SPATS2: variants seen among roughly 807,000 people sequenced by gnomAD.
SPATS2 encodes the protein spermatogenesis-associated serine-rich protein 2.
SPATS2 carries 38 observed loss-of-function variants against 63.7 expected under a neutral mutation model. The observed-to-expected ratio is 0.60, with a 90% confidence interval of 0.46 to 0.78. SPATS2 has a LOEUF of 0.78. Ranked by LOEUF, SPATS2 falls within the 30% of genes least tolerant of loss-of-function variation. The pLI is 0.00. For missense variants in SPATS2, 588 were observed against 666.2 expected (o/e 0.88, Z 1.29); for synonymous variants, 207 against 232.9 (o/e 0.89, Z 1.01).
At chr12:49,426,076 C>G (rs1190646660) in intron 2 of SPATS2, among the ~76,000 whole-genome samples, 2 of 152,162 alleles carry the variant, frequency 1.3e-5, no homozygotes, top group African/African-American at 4.8e-5. Flanking sequence ...CCAGTGTTGC[C>G]TTTTAGCCTA....
At chr12:49,524,391 T>C (rs374987119) in intron 12 of SPATS2, among the ~76,000 whole-genome samples, 191 of 152,294 alleles carry the variant, frequency 1.3e-3, no homozygotes, top group African/African-American at 4.3e-3. Context: ...GGAGTTTAGG[T>C]AGTACTAGAT....
intron 4 of SPATS2, among the ~76,000 whole-genome samples, chr12:49,486,778 CAAAAAAA>C (rs555485566): frequency 1.0e-5 from 1 of 96,806 alleles, no homozygotes; most frequent in Admixed American, 1.2e-4. Context: ...GAGACTCCGT[CAAAAAAA>C]AAAAAAAGAA....
intron 2 of SPATS2, among the ~76,000 whole-genome samples, chr12:49,460,290 C>T (rs1197300696): frequency 6.6e-6 from 1 of 151,304 alleles, no homozygotes; most frequent in Non-Finnish European, 1.5e-5. Context: ...CCCATCTCTA[C>T]TAAAAATACA....
At chr12:49,470,314 G>A (rs1946013191) in intron 3 of SPATS2, among the ~76,000 whole-genome samples, 1 of 152,140 alleles carries the variant, frequency 6.6e-6, no homozygotes, top group South Asian at 2.1e-4. Flanking sequence ...TTACAGGCAT[G>A]AGCCACCACT....
intron 10 of SPATS2, among the ~76,000 whole-genome samples, chr12:49,516,683 C>T (rs1052761995): frequency 2.0e-5 from 3 of 149,380 alleles, no homozygotes; most frequent in Non-Finnish European, 3.0e-5. Context: ...TCCAGCCTAG[C>T]GACAGAGCAA....
At chr12:49,516,157 A>T (rs1946838251) in intron 10 of SPATS2, among the ~76,000 whole-genome samples, 1 of 43,900 alleles carries the variant, frequency 2.3e-5, no homozygotes, top group African/African-American at 1.1e-4. Flanking sequence ...AAAAAAAAAA[A>T]AAAAAAAAAA....
chr12:49,393,875 C>T (rs1394447542), intron 2 of SPATS2, among the ~76,000 whole-genome samples: 2 of 152,096 alleles, frequency 1.3e-5, no homozygotes, highest in Non-Finnish European at 2.9e-5. Flanking sequence ...GACAGGTTCT[C>T]CCTATGTTGC....
chr12:49,499,832 G>C (rs1471885465), intron 8 of SPATS2, among the ~76,000 whole-genome samples: 1 of 151,932 alleles, frequency 6.6e-6, no homozygotes, highest in Non-Finnish European at 1.5e-5. Context: ...TTTTGTCTTT[G>C]TATGTTTTTA....
At chr12:49,437,477 C>T (rs1945334022) in intron 2 of SPATS2, among the ~76,000 whole-genome samples, 1 of 152,214 alleles carries the variant, frequency 6.6e-6, no homozygotes, top group Admixed American at 6.5e-5. Flanking sequence ...CCAAGGCAGG[C>T]AGCTGGGAGG....
intron 2 of SPATS2, among the ~76,000 whole-genome samples, chr12:49,405,541 A>G (rs1222426267): frequency 6.6e-6 from 1 of 152,188 alleles, no homozygotes; most frequent in Non-Finnish European, 1.5e-5. Flanking sequence ...TTTACTAAAA[A>G]TACAAAAATT....
chr12:49,514,476 T>G (rs1395063556), intron 9 of SPATS2, 79 bp from the exon 10 acceptor site: 9 of 1,355,724 alleles, frequency 6.6e-6, no homozygotes, highest in African/African-American at 2.9e-5. Flanking sequence ...TCACTGGTCT[T>G]TCTTTACTAT....
chr12:49,375,729 A>G (rs1944088335), intron 2 of SPATS2, among the ~76,000 whole-genome samples: 1 of 152,234 alleles, frequency 6.6e-6, no homozygotes. Flanking sequence ...ATCTGTAACT[A>G]ATGTAATGAC....
chr12:49,439,024 A>T (rs1945368195), intron 2 of SPATS2, among the ~76,000 whole-genome samples: 1 of 152,240 alleles, frequency 6.6e-6, no homozygotes, highest in Non-Finnish European at 1.5e-5. Context: ...ATGTAGAAAA[A>T]CACAGGGTAA....
At chr12:49,408,477 T>C (rs1944735810) in intron 2 of SPATS2, among the ~76,000 whole-genome samples, 1 of 151,466 alleles carries the variant, frequency 6.6e-6, no homozygotes, top group Admixed American at 6.6e-5. Flanking sequence ...GGTCTTGAAA[T>C]CCTGACCTCA....
chr12:49,502,571 C>T (rs971047111), intron 9 of SPATS2, among the ~76,000 whole-genome samples: 6 of 152,194 alleles, frequency 3.9e-5, no homozygotes, highest in African/African-American at 1.2e-4. Context: ...CCACCCTCAG[C>T]CTCCCTAGTC....
chr12:49,408,833 G>T (rs1474171183), intron 2 of SPATS2, among the ~76,000 whole-genome samples: 1 of 152,118 alleles, frequency 6.6e-6, no homozygotes, highest in African/African-American at 2.4e-5. Context: ...TGGGATTACA[G>T]GTTTGAGCCA....
intron 2 of SPATS2, among the ~76,000 whole-genome samples, chr12:49,448,141 T>C (rs756024533): frequency 6.6e-5 from 9 of 135,756 alleles, no homozygotes; most frequent in Non-Finnish European, 1.1e-4. Context: ...ATTTTCTTTC[T>C]TTTTTTTTTT....
intron 3 of SPATS2, among the ~76,000 whole-genome samples, chr12:49,466,826 C>A (rs1407039828): frequency 2.0e-5 from 3 of 152,080 alleles, no homozygotes; most frequent in Non-Finnish European, 4.4e-5. Context: ...TCAGTTCTTA[C>A]AAGAATATCT....
intron 10 of SPATS2, among the ~76,000 whole-genome samples, chr12:49,518,467 C>T (rs147577091): frequency 1.3e-5 from 2 of 152,194 alleles, no homozygotes; most frequent in East Asian, 1.9e-4. Flanking sequence ...TGTGGTATAT[C>T]CACATACTGG....
Sources: gnomAD v4.1 joint callset for allele counts (sites outside exome capture counted in the v4.1 genomes callset) on GRCh38, gnomAD v4.1.1 for gene constraint, MANE v1.5 for transcripts, NCBI Gene and HGNC (gene_info 2026-07-23, HGNC 2026-07-21) for gene names.